CSPP1: variants seen among roughly 807,000 people sequenced by gnomAD.
The protein encoded by CSPP1 is centrosome and spindle pole associated protein 1, also known as centrosome and spindle pole-associated protein 1.
A neutral mutation model predicts 164.4 loss-of-function variants in CSPP1; 126 were observed. The ratio of observed to expected loss-of-function variants is 0.77; its 90% CI spans 0.66 to 0.89. The LOEUF is 0.89. Ranked by LOEUF, CSPP1 falls within the 40% of genes least tolerant of loss-of-function variation. The pLI, the probability that CSPP1 is intolerant of heterozygous loss-of-function variation, is 0.00. For missense variants in CSPP1, 1,395 were observed against 1,449.8 expected (o/e 0.96, Z 0.61); for synonymous variants, 472 against 476.7 (o/e 0.99, Z 0.13).
At chr8:67,082,592 A>G (rs1374799393) in intron 3 of CSPP1, among the ~76,000 whole-genome samples, 1 of 152,162 alleles carries the variant, frequency 6.6e-6, no homozygotes, top group East Asian at 1.9e-4. Context: ...ATTTTTACAT[A>G]ATGCTTTTTC....
intron 9 of CSPP1, among the ~76,000 whole-genome samples, chr8:67,111,664 T>C (rs1039500329): frequency 1.3e-5 from 2 of 152,054 alleles, no homozygotes; most frequent in Admixed American, 6.6e-5. Context: ...AAGATATTAA[T>C]GGAAATATTA....
chr8:67,132,366 G>C (rs1316403964), intron 16 of CSPP1, among the ~76,000 whole-genome samples: 2 of 152,152 alleles, frequency 1.3e-5, no homozygotes, highest in Non-Finnish European at 2.9e-5. Context: ...AATTGGGGTG[G>C]AAGAAGGGGC....
At chr8:67,099,884 C>T (rs1813664478) in intron 7 of CSPP1, among the ~76,000 whole-genome samples, 1 of 151,988 alleles carries the variant, frequency 6.6e-6, no homozygotes. Context: ...AGCTTAATTT[C>T]CCTTCAAGGT....
intron 8 of CSPP1, among the ~76,000 whole-genome samples, chr8:67,103,485 A>C (rs1814596717): frequency 6.6e-6 from 1 of 152,080 alleles, no homozygotes; most frequent in Non-Finnish European, 1.5e-5. Context: ...ATGGTGATGC[A>C]ACTTGACTGG....
intron 21 of CSPP1, among the ~76,000 whole-genome samples, chr8:67,161,349 A>G (rs372685560): frequency 6.6e-6 from 1 of 152,332 alleles, no homozygotes; most frequent in Middle Eastern, 3.4e-3. Flanking sequence ...AAACTGAAAT[A>G]TAGAACCCCA....
At chr8:67,162,301 G>T (rs968446110) in intron 22 of CSPP1, among the ~76,000 whole-genome samples, 1 of 152,218 alleles carries the variant, frequency 6.6e-6, no homozygotes, top group Non-Finnish European at 1.5e-5. Flanking sequence ...GTGGAAAGTC[G>T]TGGAGAGCAA....
In CSPP1 at chr8:67,161,913, C is replaced by G. The variant is rs1828434498; in HGVS notation, c.2641C>G (p.His881Asp). 6.3e-7 allele frequency: 1 copy of G among 1,578,064 alleles called. No homozygotes were observed. Among genetic ancestry groups the G allele is most frequent in the African/African-American group, 1.4e-5 (1 of 73,952 alleles). ...TGACAGCATCATACGTTCCTTTATT[C>G]ATGTATGTACTTTTGTTTTTATTTG... ...SVDSIIRSFI[H>D]ESSMSRAQSP... Residue 881 changes from histidine (H) to aspartate (D), a missense_variant and splice_region_variant, in exon 22 of 31, where the codon CAT (histidine) becomes GAT (aspartate). Coordinates refer to ENST00000678616, the MANE Select transcript of CSPP1 (RefSeq NM_001382391.1).
At chr8:67,135,244 C>T (rs1385675621) in intron 16 of CSPP1, 3 of 152,172 alleles carry the variant, frequency 2.0e-5, no homozygotes, top group African/African-American at 4.8e-5. Flanking sequence ...GATCTCGGCT[C>T]ACTGCAACCT....
intron 30 of CSPP1, among the ~76,000 whole-genome samples, chr8:67,194,619 TCAAAC>T: frequency 6.6e-6 from 1 of 152,038 alleles, no homozygotes. Flanking sequence ...CATTGTCCTT[TCAAAC>T]AGGAGCTTTT....
At chr8:67,171,955 C>G (rs1293026801) in intron 24 of CSPP1, among the ~76,000 whole-genome samples, 1 of 151,994 alleles carries the variant, frequency 6.6e-6, no homozygotes, top group Non-Finnish European at 1.5e-5. Flanking sequence ...TCAAGTGATT[C>G]TGCTGCCTCA....
chr8:67,184,221 A>C (rs1348875853), intron 28 of CSPP1, among the ~76,000 whole-genome samples: 2 of 152,250 alleles, frequency 1.3e-5, no homozygotes, highest in Non-Finnish European at 2.9e-5. Flanking sequence ...GAAAGTAGAA[A>C]GATCTAAAAT....
intron 17 of CSPP1, among the ~76,000 whole-genome samples, chr8:67,147,636 CTTCT>C (rs775687582): frequency 6.6e-6 from 1 of 152,054 alleles, no homozygotes; most frequent in Non-Finnish European, 1.5e-5. Context: ...CATCTTTTAT[CTTCT>C]TTGAACTGGC....
chr8:67,083,542 A>AT (rs1483601824), intron 3 of CSPP1: 11 of 131,648 alleles, frequency 8.4e-5, no homozygotes, highest in Non-Finnish European at 1.7e-4. Context: ...AAAAAAAAAA[A>AT]AAAAAAATAT....
intron 25 of CSPP1, chr8:67,173,472 G>C (rs761486295): frequency 6.6e-6 from 1 of 152,188 alleles, no homozygotes; most frequent in Non-Finnish European, 1.5e-5. Flanking sequence ...ATGTGTGGTC[G>C]TATGACGTAG....
At chr8:67,185,373 CT>C (rs1449506790) in intron 28 of CSPP1, among the ~76,000 whole-genome samples, 1 of 152,202 alleles carries the variant, frequency 6.6e-6, no homozygotes, top group African/African-American at 2.4e-5. Flanking sequence ...CACCAGTTAT[CT>C]TAAAGAACGT....
intron 7 of CSPP1, among the ~76,000 whole-genome samples, chr8:67,097,555 C>A (rs543013683): frequency 6.6e-6 from 1 of 152,212 alleles, no homozygotes; most frequent in African/African-American, 2.4e-5. Context: ...TGCAAGTAAT[C>A]TTTGACTCTT....
At chr8:67,102,964 G>C in intron 7 of CSPP1, 73 bp from the exon 8 acceptor site, 1 of 826,356 alleles carries the variant, frequency 1.2e-6, no homozygotes. Flanking sequence ...AACATCAAAT[G>C]TAAAAACACC....
At chr8:67,066,644 C>T (rs1235164482) in intron 1 of CSPP1, among the ~76,000 whole-genome samples, 1 of 152,094 alleles carries the variant, frequency 6.6e-6, no homozygotes, top group Admixed American at 6.6e-5. Flanking sequence ...TTATGGATAT[C>T]TCACATTCAG....
At chr8:67,178,975 TGTA>T (rs1447592475) in intron 27 of CSPP1, among the ~76,000 whole-genome samples, 1 of 152,182 alleles carries the variant, frequency 6.6e-6, no homozygotes, top group African/African-American at 2.4e-5. Flanking sequence ...AGGAGGCTAT[TGTA>T]GTAATTTAGG....
Sources: allele counts gnomAD v4.1 joint callset (sites outside exome capture counted in the v4.1 genomes callset), GRCh38; gene constraint gnomAD v4.1.1; transcripts MANE v1.5; gene names NCBI Gene and HGNC (gene_info 2026-07-23, HGNC 2026-07-21).